CD5: variants seen among roughly 807,000 people sequenced by gnomAD.
CD5 encodes the protein CD5 molecule.
In CD5, 36 loss-of-function variants were observed where a neutral mutation model predicts 60.3. The observed-to-expected ratio is 0.60, with a 90% CI of 0.46 to 0.79. The LOEUF is 0.79. CD5 is among the 30% of genes least tolerant of loss of function. The probability of loss-of-function intolerance (pLI) is 0.00; values close to 1 mark genes in which losing one functional copy is unlikely to be tolerated. For missense variants in CD5, 540 were observed against 630.6 expected, an observed-to-expected ratio of 0.86 and a Z score of 1.54; for synonymous variants, 230 against 257.6, an observed-to-expected ratio of 0.89 and a Z score of 1.03.
intron 1 of CD5, among the ~76,000 whole-genome samples, chr11:61,114,192 G>A (rs971672966): frequency 7.2e-5 from 11 of 152,068 alleles, no homozygotes; most frequent in African/African-American, 2.4e-4. Context: ...GCTCACTGCA[G>A]GGTCCAACTT....
chr11:61,109,940 G>T (rs891000405), intron 1 of CD5, among the ~76,000 whole-genome samples: 1 of 152,102 alleles, frequency 6.6e-6, no homozygotes, highest in African/African-American at 2.4e-5. Context: ...TCCAGGCCTC[G>T]GGGGCCTCCT....
At chr11:61,099,586 TATCAACATGGAGATCACATTCACACAC>T (rs1565180676), upstream of CD5, among the ~76,000 whole-genome samples, 23 of 116,842 alleles carry the variant, frequency 2.0e-4, no homozygotes, top group Admixed American at 1.6e-3. Flanking sequence ...GATTCACACA[TATCAACATGGAGATCACATTCACACAC>T]ATCAACATGG....
chr11:61,111,311 C>T (rs1293099918), intron 1 of CD5, among the ~76,000 whole-genome samples: 3 of 152,232 alleles, frequency 2.0e-5, no homozygotes, highest in Non-Finnish European at 4.4e-5. Context: ...ACACATGGTT[C>T]GACTCCACCT....
At chr11:61,098,601 T>G (rs1196137026), upstream of CD5, among the ~76,000 whole-genome samples, 1 of 152,240 alleles carries the variant, frequency 6.6e-6, no homozygotes, top group Non-Finnish European at 1.5e-5. Flanking sequence ...TGTCCTATTC[T>G]GTTCCATTCT....
At chr11:61,123,139 A>G in intron 7 of CD5, 107 bp downstream of exon 7, 2 of 1,307,922 alleles carry the variant, frequency 1.5e-6, no homozygotes, top group Non-Finnish European at 2.1e-6. Flanking sequence ...CTGGGCACGC[A>G]GGACACCTCT....
intron 1 of CD5, among the ~76,000 whole-genome samples, chr11:61,112,679 A>G (rs1193227163): frequency 6.6e-6 from 1 of 152,072 alleles, no homozygotes; most frequent in African/African-American, 2.4e-5. Flanking sequence ...ACGATTGACA[A>G]CTAGACCATC....
the CD5 span, among the ~76,000 whole-genome samples, chr11:61,095,706 G>A: frequency 6.6e-6 from 1 of 152,172 alleles, no homozygotes; most frequent in African/African-American, 2.4e-5. Flanking sequence ...ACGGTACCGT[G>A]AGGCATTAAT....
rs983981726 is a variant in CD5 at position 61,125,263 on chromosome 11, C to T, written c.1399+112C>T. On this transcript the variant is annotated intron_variant, in intron 9 of 10. Transcript: ENST00000347785. ...TGATGGCCCAAAGACAGAATGGAGA[C>T]CCCAGGGTGCAAGGGGATCAAACAT... The T allele has an allele frequency of 1.6e-5, 19 of 1,202,032 alleles. No individual in the cohort carries two copies. The East Asian group carries it at 4.7e-4, about 30-fold the overall frequency. 74.5% of individuals were successfully genotyped at this position (1,202,032 alleles called of 1,614,324 possible).
rs756060392 is a variant in CD5 at position 61,126,691 on chromosome 11, A to T, written c.*406A>T. On this transcript the variant is annotated 3_prime_UTR_variant, in exon 11 of 11. Transcript: ENST00000347785. ...AGTGCATTTTGAATAGTTTTTTGTA[A>T]GTAGTGCTTTTCCTCCTTCCTGACA... The T allele has an allele frequency of 1.3e-5, 2 of 152,300 alleles. No individual in the cohort carries two copies. The highest frequency in any genetic ancestry group is 6.5e-5 in the Admixed American group (1 of 15,282). The allele number at this position is 152,300 out of a possible 1,614,324, so 9.4% of individuals were successfully genotyped here.
chr11:61,112,926 A>G (rs1211541957), intron 1 of CD5, among the ~76,000 whole-genome samples: 5 of 152,248 alleles, frequency 3.3e-5, no homozygotes, highest in Non-Finnish European at 5.9e-5. Context: ...CTCAAGCAAG[A>G]ACAGCTTTTT....
chr11:61,100,212 G>T (rs1860646711), upstream of CD5, among the ~76,000 whole-genome samples: 1 of 128,138 alleles, frequency 7.8e-6, no homozygotes, highest in South Asian at 2.6e-4. Context: ...CATCAACATG[G>T]AGATCACACA....
intron 2 of CD5, among the ~76,000 whole-genome samples, chr11:61,116,933 T>C (rs1328811039): frequency 3.3e-5 from 5 of 151,502 alleles, no homozygotes; most frequent in Admixed American, 6.6e-5. Flanking sequence ...CTCATGGAGT[T>C]TGATAAAATC....
intron 5 of CD5, among the ~76,000 whole-genome samples, chr11:61,121,108 G>A (rs1425897005): frequency 1.3e-5 from 2 of 152,240 alleles, no homozygotes; most frequent in East Asian, 1.9e-4. Flanking sequence ...TCAGTGCCTG[G>A]GCAGCACGAT....
Position 61,102,568 on chromosome 11 carries a change from T to TG in CD5, c.12dup (p.Ser5ValfsTer26). The TG allele has an allele frequency of 6.3e-7, 1 of 1,586,462 alleles. No homozygotes were observed. Among genetic ancestry groups the TG allele is most frequent in the Non-Finnish European group, 8.6e-7 (1 of 1,165,554 alleles). On this transcript the variant is annotated frameshift_variant, in exon 1 of 11. Coordinates refer to ENST00000347785, the MANE Select transcript of CD5 (RefSeq NM_014207.4). LOFTEE classifies it high-confidence loss of function. ...AAGAGAAGGCCAGAAACCATGCCCA[T>TG]GGGGTCTCTGCAACCGCTGGCCACC...
chr11:61,107,018 G>T (rs181347827), intron 1 of CD5, among the ~76,000 whole-genome samples: 1 of 152,180 alleles, frequency 6.6e-6, no homozygotes, highest in Non-Finnish European at 1.5e-5. Context: ...TAATAGTCAG[G>T]GTGTGATGGG....
At chr11:61,110,600 T>C (rs912408477) in intron 1 of CD5, among the ~76,000 whole-genome samples, 3 of 152,188 alleles carry the variant, frequency 2.0e-5, no homozygotes, top group Admixed American at 6.5e-5. Context: ...CAGGCCATCA[T>C]GGGCTTCCTG....
At chr11:61,110,430 A>T (rs1173592773) in intron 1 of CD5, among the ~76,000 whole-genome samples, 1 of 152,236 alleles carries the variant, frequency 6.6e-6, no homozygotes, top group Non-Finnish European at 1.5e-5. Flanking sequence ...ACAGATTAAG[A>T]AACTGAGCCC....
At chr11:61,124,213 CTAGGG>C (rs1294040627) in intron 8 of CD5, among the ~76,000 whole-genome samples, 2 of 152,008 alleles carry the variant, frequency 1.3e-5, no homozygotes, top group Non-Finnish European at 2.9e-5. Flanking sequence ...CGCCCCATCT[CTAGGG>C]TCCCCAGCAG....
In CD5 at chr11:61,121,660, T is replaced by A; in HGVS notation, c.855T>A (p.Cys285Ter). The A allele has an allele frequency of 6.4e-7, 1 of 1,566,174 alleles. No homozygotes were observed. Residue 285 changes from cysteine (C) to a stop codon, truncating the protein, a stop_gained, in exon 6 of 11, where the codon TGT (cysteine) becomes TGA (stop). Coordinates refer to ENST00000347785, the MANE Select transcript of CD5 (RefSeq NM_014207.4). LOFTEE classifies it high-confidence loss of function. ...QSRLVGGSSI[C>*]EGTVEVRQGA... ...GTCTGGTGGGGGGCAGCAGCATCTG[T>A]GAAGGCACCGTGGAGGTGCGCCAGG...
Sources: gnomAD v4.1 joint callset for allele counts (sites outside exome capture counted in the v4.1 genomes callset) on GRCh38, gnomAD v4.1.1 for gene constraint, MANE v1.5 for transcripts, NCBI Gene and HGNC (gene_info 2026-07-23, HGNC 2026-07-21) for gene names.